CNTNAP2: variants seen among roughly 807,000 people sequenced by gnomAD.
CNTNAP2 encodes the protein contactin associated protein 2, also known as contactin-associated protein-like 2.
In CNTNAP2, 98 loss-of-function variants were observed where a neutral mutation model predicts 155.2. The ratio of observed to expected loss-of-function variants is 0.63; its 90% CI spans 0.54 to 0.75. The LOEUF (loss-of-function observed/expected upper bound fraction) is 0.75, where lower values mean the gene tolerates loss of function less well. Ranked by LOEUF, CNTNAP2 falls within the 30% of genes least tolerant of loss-of-function variation. The probability of loss-of-function intolerance (pLI) is 0.00; values close to 1 mark genes in which losing one functional copy is unlikely to be tolerated. For synonymous variants in CNTNAP2, 651 were observed against 631.2 expected, an observed-to-expected ratio of 1.03 and a Z score of -0.47; for missense variants, 1,727 against 1,688.1, an observed-to-expected ratio of 1.02 and a Z score of -0.40.
intron 8 of CNTNAP2, among the ~76,000 whole-genome samples, chr7:147,202,381 A>T (rs1159902631): frequency 6.6e-6 from 1 of 152,208 alleles, no homozygotes; most frequent in Non-Finnish European, 1.5e-5. Context: ...GCACAATGAG[A>T]TTATGCATGA....
chr7:146,531,208 G>A (rs1260340551), intron 1 of CNTNAP2, among the ~76,000 whole-genome samples: 4 of 152,108 alleles, frequency 2.6e-5, no homozygotes, highest in Non-Finnish European at 5.9e-5. Context: ...GACAGAGACT[G>A]GGGGCTACTT....
chr7:148,135,307 A>AT (rs1804913104), intron 16 of CNTNAP2, among the ~76,000 whole-genome samples: 1 of 152,158 alleles, frequency 6.6e-6, no homozygotes, highest in African/African-American at 2.4e-5. Context: ...GGGAGCACAG[A>AT]TTTTGAAAGA....
rs914931853 is a variant in CNTNAP2, at chr7:147,866,630, C to T, written c.2099-36935C>T. On this transcript the variant is annotated intron_variant, in intron 13 of 23. Transcript: ENST00000361727. ...GTTTTGGTTGGGTGCGTATATATTT[C>T]GGATAGTTAGCTCTTCTTTTTGAAT... is the stretch of plus-strand genomic sequence containing the variant. Among the ~76,000 whole-genome samples, 29 of 152,116 alleles carry T rather than the reference C, an allele frequency of 1.9e-4. 1 individual carries two copies. Among genetic ancestry groups the T allele is most frequent in the African/African-American group, 5.6e-4 (23 of 41,410 alleles).
intron 8 of CNTNAP2, among the ~76,000 whole-genome samples, chr7:147,233,634 A>C (rs879775408): frequency 2.6e-5 from 4 of 151,874 alleles, no homozygotes; most frequent in Non-Finnish European, 5.9e-5. Context: ...ACTACTGGTC[A>C]CACTCTAAAG....
intron 18 of CNTNAP2, among the ~76,000 whole-genome samples, chr7:148,187,517 G>A (rs2116712448): frequency 6.6e-6 from 1 of 152,296 alleles, no homozygotes; most frequent in South Asian, 2.1e-4. Flanking sequence ...CGTAAAACGA[G>A]CTTCTGATGA....
chr7:147,838,807 C>T (rs915040588), intron 13 of CNTNAP2, among the ~76,000 whole-genome samples: 1 of 152,192 alleles, frequency 6.6e-6, no homozygotes, highest in Non-Finnish European at 1.5e-5. Flanking sequence ...ACTATTCCAA[C>T]CTCTGCCTGT....
intron 16 of CNTNAP2, among the ~76,000 whole-genome samples, chr7:148,124,991 C>T (rs1020825660): frequency 2.6e-5 from 4 of 151,942 alleles, no homozygotes; most frequent in African/African-American, 4.8e-5. Context: ...GTGTGATGGG[C>T]GTTTGGGAAA....
At chr7:146,909,329 A>G in intron 3 of CNTNAP2, among the ~76,000 whole-genome samples, 1 of 130,538 alleles carries the variant, frequency 7.7e-6, no homozygotes. Context: ...CTGATACCAA[A>G]GCCGGGCAGA....
chr7:148,108,115 G>C (rs557229515), intron 15 of CNTNAP2, among the ~76,000 whole-genome samples: 1 of 152,186 alleles, frequency 6.6e-6, no homozygotes, highest in East Asian at 1.9e-4. Context: ...GACAGGGCAG[G>C]GGCAGGCACA....
At chr7:148,350,817 A>G (rs1798413612) in intron 21 of CNTNAP2, among the ~76,000 whole-genome samples, 1 of 152,242 alleles carries the variant, frequency 6.6e-6, no homozygotes, top group Non-Finnish European at 1.5e-5. Context: ...TGTATTCTCC[A>G]GATGATTTGC....
At chr7:147,314,312 T>G (rs1795186160) in intron 9 of CNTNAP2, among the ~76,000 whole-genome samples, 1 of 152,162 alleles carries the variant, frequency 6.6e-6, no homozygotes, top group African/African-American at 2.4e-5. Flanking sequence ...TCAGCCTACT[T>G]CAAAAGTTAG....
intron 8 of CNTNAP2, among the ~76,000 whole-genome samples, chr7:147,164,343 A>G (rs1190700728): frequency 6.6e-6 from 1 of 152,234 alleles, no homozygotes; most frequent in East Asian, 1.9e-4. Context: ...TTGTCTTACA[A>G]TGCATAAACC....
chr7:148,004,968 C>T (rs1369587448), intron 15 of CNTNAP2, among the ~76,000 whole-genome samples: 1 of 152,220 alleles, frequency 6.6e-6, no homozygotes, highest in African/African-American at 2.4e-5. Context: ...ATTCTACTCT[C>T]ATCCTGATCC....
intron 1 of CNTNAP2, among the ~76,000 whole-genome samples, chr7:146,466,335 G>A (rs987804849): frequency 5.9e-5 from 9 of 152,096 alleles, no homozygotes; most frequent in Non-Finnish European, 1.2e-4. Flanking sequence ...TTGCAGCATC[G>A]CTATTAGGAA....
At chr7:147,903,746 C>T (rs933204833) in intron 14 of CNTNAP2, 25 bp downstream of exon 14, 10 of 1,611,598 alleles carry the variant, frequency 6.2e-6, no homozygotes, top group African/African-American at 1.3e-5. Flanking sequence ...GCAGCACAGC[C>T]AGGCTCACCC....
At chr7:146,732,569 G>T (rs1003850804) in intron 1 of CNTNAP2, among the ~76,000 whole-genome samples, 5 of 152,000 alleles carry the variant, frequency 3.3e-5, no homozygotes, top group African/African-American at 7.2e-5. Flanking sequence ...ATAATTCAAA[G>T]GTTTACTCAT....
At chr7:147,649,833 G>A (rs1314498299) in intron 13 of CNTNAP2, among the ~76,000 whole-genome samples, 1 of 151,624 alleles carries the variant, frequency 6.6e-6, no homozygotes, top group Non-Finnish European at 1.5e-5. Context: ...TAAAAAAAGG[G>A]ATAATCATAA....
At chr7:146,555,024 A>G (rs2129143389) in intron 1 of CNTNAP2, among the ~76,000 whole-genome samples, 1 of 152,312 alleles carries the variant, frequency 6.6e-6, no homozygotes, top group African/African-American at 2.4e-5. Context: ...TTGCCAAATA[A>G]GAGATAGTGG....
At chr7:147,763,669 C>A (rs1474805038) in intron 13 of CNTNAP2, among the ~76,000 whole-genome samples, 2 of 152,176 alleles carry the variant, frequency 1.3e-5, no homozygotes, top group South Asian at 2.1e-4. Flanking sequence ...GTCAGAAAGG[C>A]ATTGACTATA....
Sources: gnomAD v4.1 joint callset for allele counts (sites outside exome capture counted in the v4.1 genomes callset) on GRCh38, gnomAD v4.1.1 for gene constraint, MANE v1.5 for transcripts, NCBI Gene and HGNC (gene_info 2026-07-23, HGNC 2026-07-21) for gene names.